Variants in TLK2 observed in about 807,000 individuals in gnomAD.
TLK2 encodes serine/threonine-protein kinase tousled-like 2.
Under a neutral mutation model 117.3 loss-of-function variants are expected in TLK2, and 6 were observed. That is an observed-to-expected ratio of 0.05 (90% CI 0.03 to 0.10). The LOEUF (loss-of-function observed/expected upper bound fraction) is 0.10. Among genes scored for constraint, TLK2 ranks in the 10% least tolerant of loss-of-function variants. The probability of loss-of-function intolerance (pLI) is 1.00; values close to 1 mark genes in which losing one functional copy is unlikely to be tolerated. For missense variants in TLK2, 299 were observed against 901.2 expected (o/e 0.33, Z 8.56); for synonymous variants, 257 against 316.7 (o/e 0.81, Z 2.00).
chr17:62,479,320 A>G (rs150830685), intron 1 of TLK2, 30 bp downstream of exon 1: 60,578 of 158,646 alleles, frequency 0.38, 11,908 homozygotes, highest in African/African-American at 0.46. Context: ...GCGGGGGAGG[A>G]CTCCAGGCCT....
rs2082146485 is a variant in TLK2 at position 62,592,398 on chromosome 17, TAAA to T, written c.1461-4184_1461-4182del. Among the ~76,000 whole-genome samples the T allele has an allele frequency of 2.6e-5, 4 of 152,250 alleles. No homozygotes were observed. In the South Asian group the frequency reaches 8.3e-4, roughly 31 times the overall value. On this transcript the variant is annotated intron_variant, in intron 16 of 21. Coordinates refer to ENST00000346027, the MANE Select transcript of TLK2 (RefSeq NM_006852.6). ...AATGATTTAAACTAGAAAAGTACCT[TAAA>T]AATGCTAATCATATTAGTCATATGT...
In TLK2 at chr17:62,535,249, G is replaced by T. The variant is rs147248275; in HGVS notation, c.364-921G>T. ...TATCCTTTTTGGTATCCAACAGGAAGAATCTTAATTTATCCCTCCCTAAAG... is the reference window on the plus strand; with the variant it reads ...TATCCTTTTTGGTATCCAACAGGAATAATCTTAATTTATCCCTCCCTAAAG... On this transcript the variant is annotated intron_variant, in intron 6 of 21. Coordinates refer to ENST00000346027, the MANE Select transcript of TLK2 (RefSeq NM_006852.6). Among the ~76,000 whole-genome samples, 525 of 152,230 alleles carry T rather than the reference G, an allele frequency of 3.4e-3. 3 individuals are homozygous for T. The highest frequency in any genetic ancestry group is 0.012 in the African/African-American group (490 of 41,532).
chr17:62,477,822 G>A (rs758757151), upstream of TLK2: 2 of 152,316 alleles, frequency 1.3e-5, no homozygotes, highest in Admixed American at 6.5e-5. Flanking sequence ...TTGCCCGCTA[G>A]ATAGTTCTCA....
intron 2 of TLK2, among the ~76,000 whole-genome samples, chr17:62,486,856 A>T (rs1245064506): frequency 1.3e-5 from 2 of 152,234 alleles, no homozygotes; most frequent in Admixed American, 6.5e-5. Context: ...GGCATTCTCC[A>T]TTCTCTCTTT....
intron 6 of TLK2, among the ~76,000 whole-genome samples, chr17:62,526,343 T>C (rs2076365535): frequency 6.6e-6 from 1 of 152,200 alleles, no homozygotes; most frequent in Non-Finnish European, 1.5e-5. Flanking sequence ...TCCATGAATA[T>C]GTCCTATTTT....
chr17:62,548,238 A>ATGTGTGTGTGTGTGTGTGTGTG (rs141908103), intron 7 of TLK2, among the ~76,000 whole-genome samples: 2 of 111,842 alleles, frequency 1.8e-5, no homozygotes, highest in African/African-American at 3.7e-5. Context: ...ATATATATAT[A>ATGTGTGTGTGTGTGTGTGTGTG]TATGTGTGTG....
chr17:62,480,031 A>T (rs1358348644), intron 1 of TLK2, among the ~76,000 whole-genome samples: 3 of 152,178 alleles, frequency 2.0e-5, no homozygotes, highest in Admixed American at 1.3e-4. Flanking sequence ...CTGCACTTGC[A>T]TGTGTGGGTG....
At chr17:62,576,982 A>ATTTTTTTTTTTTT (rs1598707710) in intron 13 of TLK2, among the ~76,000 whole-genome samples, 2 of 33,930 alleles carry the variant, frequency 5.9e-5, no homozygotes, top group Non-Finnish European at 8.7e-5. Context: ...TTTTTTTTTG[A>ATTTTTTTTTTTTT]GTTGGAGTCT....
chr17:62,521,877 T>C (rs903457649), intron 3 of TLK2, among the ~76,000 whole-genome samples: 1 of 152,232 alleles, frequency 6.6e-6, no homozygotes, highest in Non-Finnish European at 1.5e-5. Context: ...AACAACAGTT[T>C]TCTGAGAACT....
intron 9 of TLK2, among the ~76,000 whole-genome samples, chr17:62,554,084 G>C (rs2078671105): frequency 6.6e-6 from 1 of 152,056 alleles, no homozygotes; most frequent in African/African-American, 2.4e-5. Flanking sequence ...TTTTAATATT[G>C]TTGAATTTTA....
intron 7 of TLK2, among the ~76,000 whole-genome samples, chr17:62,546,775 G>C (rs2077981676): frequency 6.6e-6 from 1 of 151,682 alleles, no homozygotes; most frequent in African/African-American, 2.4e-5. Flanking sequence ...GGCCAGGCTG[G>C]TCTCGAACTC....
chr17:62,479,441 C>T (rs1318286781), intron 1 of TLK2, among the ~76,000 whole-genome samples, 151 bp downstream of exon 1: 2 of 152,064 alleles, frequency 1.3e-5, no homozygotes, highest in East Asian at 1.9e-4. Flanking sequence ...GGAGGGGCTC[C>T]CTGAGGGCTG....
chr17:62,490,175 G>C (rs2072955716), intron 2 of TLK2, among the ~76,000 whole-genome samples: 1 of 152,196 alleles, frequency 6.6e-6, no homozygotes, highest in Non-Finnish European at 1.5e-5. Flanking sequence ...TATTGCTTCT[G>C]TCTTATTCTG....
chr17:62,524,240 C>G lies in TLK2; in HGVS notation c.272C>G (p.Ala91Gly), dbSNP rs2076231857. Residue 91 changes from alanine to glycine, a missense_variant, in exon 6 of 22, where the codon GCT becomes GGT. Around this residue, in one of 4 missense-constraint regions of TLK2, gnomAD observed 105 missense variants for 218.4 expected, o/e 0.48. Coordinates refer to ENST00000346027, the MANE Select transcript of TLK2 (RefSeq NM_006852.6). ...GHKISDYFEF[A>G]GGSAPGTSPG... ...CGGTTTTTCCCTGTTGGCCAGTTTGCTGGGGGAAGCGCGCCAGGAACCAGC... is the reference window on the plus strand; with the variant it reads ...CGGTTTTTCCCTGTTGGCCAGTTTGGTGGGGGAAGCGCGCCAGGAACCAGC... The G allele has an allele frequency of 1.2e-6, 2 of 1,613,854 alleles. No individual in the cohort carries two copies. Among genetic ancestry groups the G allele is most frequent in the East Asian group, 2.2e-5 (1 of 44,872 alleles).
At chr17:62,584,080 T>G (rs1232798490) in intron 15 of TLK2, among the ~76,000 whole-genome samples, 1 of 149,488 alleles carries the variant, frequency 6.7e-6, no homozygotes, top group African/African-American at 2.5e-5. Context: ...ATAAATTGGG[T>G]GGTATTTAAT....
At position 62,600,824 on chromosome 17, in the gene TLK2, T is replaced by C. The variant is rs1358969118; in HGVS notation, c.1720+4T>C. The C allele has an allele frequency of 3.1e-6, 5 of 1,597,072 alleles. No individual in the cohort carries two copies. The highest frequency in any genetic ancestry group is 4.3e-6 in the Non-Finnish European group (5 of 1,174,372). ...ATACACTATGACCTCAAACCAGGTA[T>C]GTCTAACTTTTAGGAGACAGTATTA... On this transcript the variant is annotated splice_donor_region_variant and intron_variant, in intron 18 of 21. Coordinates refer to ENST00000346027, the MANE Select transcript of TLK2 (RefSeq NM_006852.6).
At chr17:62,507,898 G>C (rs2074836612) in intron 2 of TLK2, among the ~76,000 whole-genome samples, 1 of 151,744 alleles carries the variant, frequency 6.6e-6, no homozygotes. Context: ...AAGTATATTA[G>C]AAACATGTTT....
At chr17:62,541,768 G>GAT (rs61519955) in intron 7 of TLK2, among the ~76,000 whole-genome samples, 141,857 of 151,754 alleles carry the variant, frequency 0.93, 67,052 homozygotes, top group Non-Finnish European at 1. Flanking sequence ...TGCAACTAGA[G>GAT]TGCACCACAG....
Position 62,504,654 on chromosome 17 carries a change from T to G in TLK2, c.82-16119T>G, listed in dbSNP as rs376963742. Reference sequence around the variant, plus strand: ...CCCCACCTCTACCAAAAAATTAAATTAAAAAAAGCCGGACATGGCGGCATG... The same window carrying G: ...CCCCACCTCTACCAAAAAATTAAATGAAAAAAAGCCGGACATGGCGGCATG... On this transcript the variant is annotated intron_variant, in intron 2 of 21. Coordinates refer to ENST00000346027, the MANE Select transcript of TLK2 (RefSeq NM_006852.6). Among the ~76,000 whole-genome samples, 13 of 151,880 alleles carry G rather than the reference T, an allele frequency of 8.6e-5. No individual in the cohort carries two copies. In the East Asian group the frequency reaches 2.1e-3, roughly 25 times the overall value.
Sources: gnomAD v4.1 joint callset for allele counts (sites outside exome capture counted in the v4.1 genomes callset) on GRCh38, gnomAD v4.1.1 for gene constraint, gnomAD v4.1.1 regional missense constraint, MANE v1.5 for transcripts, NCBI Gene and HGNC (gene_info 2026-07-23, HGNC 2026-07-21) for gene names.